UMAD1: variants seen among roughly 807,000 people sequenced by gnomAD.
UMAD1 encodes the protein UBAP1-MVB12-associated (UMA) domain containing 1.
UMAD1 carries 8 observed loss-of-function variants against 6.1 expected under a neutral mutation model. The ratio of observed to expected loss-of-function variants is 1.30; its 90% CI spans 0.76 to 2.35. The LOEUF is 2.35. Among genes scored for constraint, UMAD1 ranks in the 30% most tolerant of loss-of-function variants. The pLI is 0.00. For synonymous variants in UMAD1, 56 were observed against 31.4 expected (o/e 1.78, Z -2.61); for missense variants, 130 against 78.4 (o/e 1.66, Z -2.49).
At chr7:7,773,756 C>T (rs1782146269) in intron 2 of UMAD1, among the ~76,000 whole-genome samples, 1 of 152,138 alleles carries the variant, frequency 6.6e-6, no homozygotes, top group African/African-American at 2.4e-5. Context: ...TGTTGATTTT[C>T]TGGAGGAGAC....
chr7:7,676,217 C>T (rs79773281), intron 2 of UMAD1: 11 of 398,634 alleles, frequency 2.8e-5, no homozygotes, highest in African/African-American at 2.1e-4. Flanking sequence ...AGGTTAGTTA[C>T]CCTTCCCAGT....
intron 3 of UMAD1, among the ~76,000 whole-genome samples, chr7:7,825,158 G>T (rs557654669): frequency 6.6e-6 from 1 of 152,160 alleles, no homozygotes; most frequent in East Asian, 1.9e-4. Context: ...GCGCAGGGGG[G>T]AGTGTAATCT....
At chr7:7,725,853 C>G (rs1482665565) in intron 2 of UMAD1, among the ~76,000 whole-genome samples, 1 of 152,172 alleles carries the variant, frequency 6.6e-6, no homozygotes, top group African/African-American at 2.4e-5. Context: ...GAAGAGAAGA[C>G]TAGGGTCTGG....
chr7:7,689,359 A>T (rs1047360286), intron 2 of UMAD1: 1 of 152,250 alleles, frequency 6.6e-6, no homozygotes, highest in Non-Finnish European at 1.5e-5. Flanking sequence ...GACAGAGGTC[A>T]CATGTCGAAG....
intron 2 of UMAD1, among the ~76,000 whole-genome samples, chr7:7,770,628 T>C (rs1583812557): frequency 6.6e-6 from 1 of 152,098 alleles, no homozygotes. Context: ...TTGAAAGGCA[T>C]CTAGGAGGTA....
At chr7:7,848,177 T>G (rs928009422) in intron 3 of UMAD1, among the ~76,000 whole-genome samples, 1 of 152,170 alleles carries the variant, frequency 6.6e-6, no homozygotes, top group Non-Finnish European at 1.5e-5. Context: ...AATTTACTAG[T>G]CTCTGTTTCA....
chr7:7,641,033 G>T (rs895879129), intron 1 of UMAD1: 2 of 152,790 alleles, frequency 1.3e-5, no homozygotes, highest in African/African-American at 2.4e-5. Flanking sequence ...GTGTGGCGTC[G>T]GGGTTGTGAT....
chr7:7,672,144 A>G (rs976342960), intron 1 of UMAD1, among the ~76,000 whole-genome samples: 43 of 152,196 alleles, frequency 2.8e-4, no homozygotes, highest in Non-Finnish European at 4.0e-4. Context: ...GCTATGGGTG[A>G]AATATATGAA....
intron 1 of UMAD1, among the ~76,000 whole-genome samples, chr7:7,657,791 G>C (rs1301369728): frequency 6.6e-6 from 1 of 152,156 alleles, no homozygotes; most frequent in African/African-American, 2.4e-5. Flanking sequence ...TCTTGGCTAT[G>C]TGGGCTCTAT....
chr7:7,641,178 G>A (rs1191334115), intron 1 of UMAD1: 4 of 152,244 alleles, frequency 2.6e-5, no homozygotes, highest in Non-Finnish European at 5.9e-5. Flanking sequence ...TTCTCCACCT[G>A]TAAGAAGAGA....
rs183375699 is a variant in UMAD1 at position 7,727,816 on chromosome 7, T to C, written c.82+54363T>C. Among the ~76,000 whole-genome samples the C allele has an allele frequency of 2.5e-3, 374 of 152,362 alleles. 1 individual carries two copies. Among genetic ancestry groups the C allele is most frequent in the African/African-American group, 7.4e-3 (308 of 41,580 alleles). On this transcript the variant is annotated intron_variant, in intron 2 of 3. Coordinates refer to ENST00000682710, the MANE Select transcript of UMAD1 (RefSeq NM_001302348.2). ...TTGGGACTTGAACTGGCTTCCTTGC[T>C]CCTCAGTTTGTAGATGGCTTATTGT...
chr7:7,794,911 G>T (rs6970720), intron 2 of UMAD1, among the ~76,000 whole-genome samples: 1 of 152,062 alleles, frequency 6.6e-6, no homozygotes, highest in Non-Finnish European at 1.5e-5. Flanking sequence ...ACCTGAAGGC[G>T]TCATCTACTT....
chr7:7,693,295 T>TATCTATC (rs71543842), intron 2 of UMAD1, among the ~76,000 whole-genome samples: 2 of 148,886 alleles, frequency 1.3e-5, no homozygotes, highest in Non-Finnish European at 3.0e-5. Context: ...TAAAATATCT[T>TATCTATC]TATCTATCTA....
At chr7:7,816,275 C>T (rs566822943) in intron 3 of UMAD1, among the ~76,000 whole-genome samples, 1 of 152,316 alleles carries the variant, frequency 6.6e-6, no homozygotes, top group African/African-American at 2.4e-5. Context: ...GTGTTGTTTT[C>T]CTGTCTCCAC....
intron 2 of UMAD1, among the ~76,000 whole-genome samples, chr7:7,708,384 T>C (rs1023251748): frequency 3.1e-4 from 47 of 152,200 alleles, no homozygotes; most frequent in African/African-American, 1.1e-3. Flanking sequence ...TAGAGAGATA[T>C]ATATTATAAA....
rs560693239 is a variant in UMAD1 at position 7,783,298 on chromosome 7, C to T, written c.83-18372C>T. On this transcript the variant is annotated intron_variant, in intron 2 of 3. Coordinates refer to ENST00000682710, the MANE Select transcript of UMAD1 (RefSeq NM_001302348.2). ...TGTTGGTTATTAAAATACATTTTTT[C>T]TCTTATCAAAATCAAAGGAATTAAT... 1.1e-3 allele frequency among the ~76,000 whole-genome samples: 168 copies of T among 152,152 alleles called. 2 individuals are homozygous for T. In the Middle Eastern group the frequency reaches 0.017, roughly 16 times the overall value.
At chr7:7,829,499 A>G (rs908722574) in intron 3 of UMAD1, among the ~76,000 whole-genome samples, 1 of 150,618 alleles carries the variant, frequency 6.6e-6, no homozygotes, top group Non-Finnish European at 1.5e-5. Flanking sequence ...GTTAAAGCCC[A>G]TTTTCCTTTT....
chr7:7,875,765 G>A (rs111289390), intron 3 of UMAD1, among the ~76,000 whole-genome samples: 4,726 of 152,282 alleles, frequency 0.031, 129 homozygotes, highest in Non-Finnish European at 0.042. Flanking sequence ...TAGGCATGTG[G>A]AATACAGCAG....
intron 2 of UMAD1, among the ~76,000 whole-genome samples, chr7:7,749,324 C>T (rs528612352): frequency 4.6e-5 from 7 of 152,084 alleles, no homozygotes; most frequent in Non-Finnish European, 1.0e-4. Context: ...AGTGAGAGTA[C>T]AGTATGGTTT....
Sources: allele counts gnomAD v4.1 joint callset (sites outside exome capture counted in the v4.1 genomes callset), GRCh38; gene constraint gnomAD v4.1.1; transcripts MANE v1.5; gene names NCBI Gene and HGNC (gene_info 2026-07-23, HGNC 2026-07-21).